Variants in CFAP47 observed in about 807,000 individuals in gnomAD.
CFAP47 encodes the protein cilia- and flagella-associated protein 47.
A neutral mutation model predicts 148.1 loss-of-function variants in CFAP47; 29 were observed. That is an observed-to-expected ratio of 0.20 (90% CI 0.15 to 0.27). CFAP47 has a LOEUF of 0.27. Ranked by LOEUF, CFAP47 falls within the 10% of genes least tolerant of loss-of-function variation. The pLI is 1.00. For missense variants in CFAP47, 1,872 were observed against 1,697.5 expected (o/e 1.10, Z -1.81); for synonymous variants, 664 against 577.3 (o/e 1.15, Z -2.15).
intron 29 of CFAP47, among the ~76,000 whole-genome samples, chrX:36,078,689 A>T (rs1185032447): frequency 9.0e-6 from 1 of 111,113 alleles, no homozygotes; most frequent in Non-Finnish European, 1.9e-5. Flanking sequence ...TAAATGGGGC[A>T]TTTAGCCCAT....
intron 27 of CFAP47, among the ~76,000 whole-genome samples, chrX:36,069,207 T>C (rs1469066621): frequency 9.0e-6 from 1 of 110,932 alleles, no homozygotes; most frequent in East Asian, 2.8e-4. Context: ...AGAACAGTAA[T>C]AGAATACTGA....
At chrX:36,261,480 T>G (rs1332705148) in intron 49 of CFAP47, among the ~76,000 whole-genome samples, 1 of 106,901 alleles carries the variant, frequency 9.4e-6, no homozygotes, top group Non-Finnish European at 1.9e-5. Context: ...GCGGCCTTCC[T>G]CAGTGTTTGT....
At position 35,952,107 on chromosome X, in the gene CFAP47, T is replaced by G. The variant is rs73468913; in HGVS notation, c.1046+144T>G. The G allele has an allele frequency of 1.4e-3, 783 of 551,840 alleles. 5 individuals are homozygous for G. In the African/African-American group the frequency reaches 0.017, roughly 12 times the overall value. 45.5% of individuals were successfully genotyped at this position (551,840 alleles called of 1,213,427 possible). On this transcript the variant is annotated intron_variant, in intron 6 of 63. Coordinates refer to ENST00000378653, the MANE Select transcript of CFAP47 (RefSeq NM_001304548.2). ...ATTTTTCTTGTCATGGTTCTAGATGTTTCTAACATGGTTAGTAATATTTCT... is the reference window on the plus strand; with the variant it reads ...ATTTTTCTTGTCATGGTTCTAGATGGTTCTAACATGGTTAGTAATATTTCT...
intron 49 of CFAP47, among the ~76,000 whole-genome samples, chrX:36,270,549 G>GTATATATATATATATATA (rs782687841): frequency 2.6e-4 from 25 of 95,503 alleles, no homozygotes; most frequent in African/African-American, 9.7e-4. Flanking sequence ...TTTAAAATTT[G>GTATATATATATATATATA]TATATATATA....
At chrX:36,206,313 T>G (rs1294927623) in intron 45 of CFAP47, among the ~76,000 whole-genome samples, 1 of 111,981 alleles carries the variant, frequency 8.9e-6, no homozygotes, top group Non-Finnish European at 1.9e-5. Flanking sequence ...TAACTTGTTT[T>G]AGTAACTTTT....
intron 30 of CFAP47, among the ~76,000 whole-genome samples, chrX:36,089,822 C>T (rs760989314): frequency 6.0e-4 from 67 of 111,541 alleles, no homozygotes; most frequent in African/African-American, 2.0e-3. Context: ...TACTATTGAA[C>T]TTAAAATTTA....
chrX:35,923,040 A>G (rs899169775), intron 1 of CFAP47, among the ~76,000 whole-genome samples: 3 of 111,187 alleles, frequency 2.7e-5, no homozygotes, highest in African/African-American at 3.3e-5. Flanking sequence ...TTTTCTTGAC[A>G]CTTATGTCTC....
At chrX:35,936,432 C>T (rs1935911842) in intron 2 of CFAP47, among the ~76,000 whole-genome samples, 2 of 95,705 alleles carry the variant, frequency 2.1e-5, no homozygotes, top group Non-Finnish European at 2.0e-5. Flanking sequence ...CTTGAAATTG[C>T]TTGTTGCAGC....
In CFAP47 at chrX:36,076,754, G is replaced by C. The variant is rs771199283; in HGVS notation, c.4691+3390G>C. Among the ~76,000 whole-genome samples, 112 of 111,344 alleles carry C rather than the reference G, an allele frequency of 1.0e-3. 1 individual carries two copies. The highest frequency in any genetic ancestry group is 3.5e-3 in the African/African-American group (107 of 30,685). ...CCCTTTAGTTTAACTGGTCCCACTT[G>C]TCACTTTTTTCTTTTTGTTGCAATT... On this transcript the variant is annotated intron_variant, in intron 29 of 63. Coordinates refer to ENST00000378653, the MANE Select transcript of CFAP47 (RefSeq NM_001304548.2).
At chrX:36,328,532 C>T (rs1448194756) in intron 57 of CFAP47, among the ~76,000 whole-genome samples, 3 of 111,517 alleles carry the variant, frequency 2.7e-5, no homozygotes, top group Non-Finnish European at 3.8e-5. Context: ...AAATTGGGGC[C>T]GGGCGCGGTG....
intron 24 of CFAP47, among the ~76,000 whole-genome samples, chrX:36,038,342 T>A (rs1483929154): frequency 8.9e-6 from 1 of 112,039 alleles, no homozygotes; most frequent in Non-Finnish European, 1.9e-5. Context: ...GAGATTTCGA[T>A]GTGAAAGGGT....
chrX:36,382,379 G>A (rs1455687731), intron 63 of CFAP47, among the ~76,000 whole-genome samples: 3 of 111,713 alleles, frequency 2.7e-5, no homozygotes, highest in African/African-American at 9.8e-5. Flanking sequence ...CAGTAGAGAA[G>A]CCTTCTGGGG....
chrX:36,171,140 G>A (rs1344770195), intron 39 of CFAP47, among the ~76,000 whole-genome samples: 6 of 108,497 alleles, frequency 5.5e-5, no homozygotes, highest in African/African-American at 2.0e-4. Context: ...TTTTTGATGG[G>A]GTTGTTTGTT....
chrX:36,100,011 T>G, intron 32 of CFAP47, 132 bp downstream of exon 32: 1 of 384,304 alleles, frequency 2.6e-6, no homozygotes, highest in South Asian at 4.8e-5. Flanking sequence ...TTTTTATTGC[T>G]TTCTCATGGA....
At chrX:36,358,599 C>A (rs918010967) in intron 60 of CFAP47, among the ~76,000 whole-genome samples, 3 of 111,753 alleles carry the variant, frequency 2.7e-5, no homozygotes, top group Non-Finnish European at 5.6e-5. Flanking sequence ...GGATGCTAAT[C>A]ACTAGTAGTC....
intron 57 of CFAP47, among the ~76,000 whole-genome samples, chrX:36,325,402 C>T (rs1159528915): frequency 1.8e-5 from 2 of 111,439 alleles, no homozygotes; most frequent in African/African-American, 3.3e-5. Context: ...TAGACTCTTA[C>T]CCTCTACACA....
rs745700284 is a variant in CFAP47, at chrX:36,112,663, C to T, written c.5320+7972C>T. Among the ~76,000 whole-genome samples, 595 of 111,426 alleles carry T rather than the reference C, an allele frequency of 5.3e-3. 3 individuals carry two copies. The highest frequency in any genetic ancestry group is 7.7e-3 in the Non-Finnish European group (411 of 53,063). On this transcript the variant is annotated intron_variant, in intron 33 of 63. Coordinates refer to ENST00000378653, the MANE Select transcript of CFAP47 (RefSeq NM_001304548.2). ...TCAGGTCCTGAATATCTTTGTTAATCTTGTGTCTTGATGATCTGTTTAATA... is the reference window on the plus strand; with the variant it reads ...TCAGGTCCTGAATATCTTTGTTAATTTTGTGTCTTGATGATCTGTTTAATA...
chrX:36,148,716 C>T (rs1326335459), intron 36 of CFAP47, among the ~76,000 whole-genome samples: 1 of 111,720 alleles, frequency 9.0e-6, no homozygotes, highest in Admixed American at 9.5e-5. Flanking sequence ...GCCAGAGTAT[C>T]CTTTTTGTAA....
chrX:36,365,993 T>C (rs1326088405), intron 61 of CFAP47, among the ~76,000 whole-genome samples: 1 of 111,331 alleles, frequency 9.0e-6, no homozygotes, highest in Admixed American at 9.6e-5. Context: ...ATATTCCTTT[T>C]GGTTTATACC....
Sources: gnomAD v4.1 joint callset for allele counts (sites outside exome capture counted in the v4.1 genomes callset) on GRCh38, gnomAD v4.1.1 for gene constraint, MANE v1.5 for transcripts, NCBI Gene and HGNC (gene_info 2026-07-23, HGNC 2026-07-21) for gene names.